The following MYT1L variants were observed in gnomAD, a reference collection of about 807,000 sequenced individuals.
The protein encoded by MYT1L is myelin transcription factor 1 like, also known as myelin transcription factor 1-like protein.
A neutral mutation model predicts 126.7 loss-of-function variants in MYT1L; 12 were observed. That is an observed-to-expected ratio of 0.09 (90% CI 0.06 to 0.15). MYT1L has a LOEUF of 0.15. Ranked by LOEUF, MYT1L falls within the 10% of genes least tolerant of loss-of-function variation. MYT1L has a pLI of 1.00. For synonymous variants in MYT1L, 541 were observed against 604.2 expected (o/e 0.90, Z 1.53); for missense variants, 979 against 1,585.2 (o/e 0.62, Z 6.49).
At chr2:2,205,599 G>A (rs1021599338) in intron 2 of MYT1L, among the ~76,000 whole-genome samples, 1 of 152,030 alleles carries the variant, frequency 6.6e-6, no homozygotes, top group Non-Finnish European at 1.5e-5. Flanking sequence ...TTTCTAAATT[G>A]TCTCTCCCTC....
chr2:1,857,152 C>T (rs531801675), intron 18 of MYT1L, among the ~76,000 whole-genome samples: 12 of 152,290 alleles, frequency 7.9e-5, no homozygotes, highest in South Asian at 2.1e-4. Context: ...GTCCTCCCAG[C>T]GTGACTCAGC....
chr2:1,831,790 C>T (rs986006963), intron 21 of MYT1L, among the ~76,000 whole-genome samples: 9 of 152,258 alleles, frequency 5.9e-5, no homozygotes, highest in Middle Eastern at 3.4e-3. Context: ...ACGGCCTCTC[C>T]GCCTCCACCT....
chr2:1,799,549 C>A (rs1323510357), intron 23 of MYT1L, among the ~76,000 whole-genome samples: 1 of 152,208 alleles, frequency 6.6e-6, no homozygotes, highest in Non-Finnish European at 1.5e-5. Context: ...GGGAAGAACC[C>A]CCTTCCTGAA....
chr2:2,095,470 G>A (rs1355879250), intron 3 of MYT1L, among the ~76,000 whole-genome samples: 2 of 152,140 alleles, frequency 1.3e-5, no homozygotes, highest in Non-Finnish European at 1.5e-5. Context: ...TATGCTATCC[G>A]ACAAGACCCT....
intron 21 of MYT1L, among the ~76,000 whole-genome samples, chr2:1,834,537 A>C (rs1156249452): frequency 6.6e-6 from 1 of 152,240 alleles, no homozygotes; most frequent in Non-Finnish European, 1.5e-5. Flanking sequence ...TACGTGCTAC[A>C]ACCTTGAGGA....
intron 18 of MYT1L, among the ~76,000 whole-genome samples, chr2:1,866,347 G>A (rs111804163): frequency 0.056 from 8,559 of 152,080 alleles, 302 homozygotes; most frequent in Non-Finnish European, 0.072. Context: ...AGCTTCCATA[G>A]GTGTGGATCA....
intron 3 of MYT1L, among the ~76,000 whole-genome samples, chr2:2,113,167 A>G (rs2147774968): frequency 6.6e-6 from 1 of 152,332 alleles, no homozygotes; most frequent in East Asian, 1.9e-4. Flanking sequence ...TAAAAGTGAA[A>G]CAGATGGATG....
At chr2:1,866,013 C>G (rs890323016) in intron 18 of MYT1L, among the ~76,000 whole-genome samples, 1 of 152,116 alleles carries the variant, frequency 6.6e-6, no homozygotes, top group Non-Finnish European at 1.5e-5. Flanking sequence ...GTTTAGCCTC[C>G]GAGCTACAGT....
At chr2:2,217,410 C>T (rs903756587) in intron 2 of MYT1L, among the ~76,000 whole-genome samples, 4 of 151,976 alleles carry the variant, frequency 2.6e-5, no homozygotes, top group Admixed American at 1.3e-4. Flanking sequence ...CAGCCAGGCA[C>T]GGTGGCTCAT....
intron 1 of MYT1L, 81 bp from the exon 2 acceptor site, chr2:2,284,584 C>G (rs2095491006): frequency 6.6e-6 from 1 of 152,184 alleles, no homozygotes; most frequent in South Asian, 2.1e-4. Flanking sequence ...GATAGTTTCC[C>G]TGCATCTTGA....
rs142692630 is a variant in MYT1L at position 2,188,710 on chromosome 2, G to A, written c.-420-15722C>T. ...TCCTGGGGATCTGTCTCGGGCAGAT[G>A]CTCATGTTTTCCAAGCTTATTGCTT... On this transcript the variant is annotated intron_variant, in intron 2 of 24. Transcript: ENST00000647738. 3.9e-3 allele frequency among the ~76,000 whole-genome samples: 599 copies of A among 152,222 alleles called. 3 individuals are homozygous for A. The highest frequency in any genetic ancestry group is 0.014 in the African/African-American group (563 of 41,522).
At chr2:1,961,162 T>C (rs553134465) in intron 8 of MYT1L, among the ~76,000 whole-genome samples, 17 of 152,308 alleles carry the variant, frequency 1.1e-4, no homozygotes, top group Admixed American at 9.1e-4. Context: ...CTACCAAATA[T>C]TGTAATTTCT....
At position 1,801,768 on chromosome 2, in the gene MYT1L, T is replaced by C. The variant is rs1572364336; in HGVS notation, c.3204A>G (p.Leu1068=). 1 of 1,610,220 alleles carries C rather than the reference T, an allele frequency of 6.2e-7. No homozygotes were observed. Among genetic ancestry groups the C allele is most frequent in the Non-Finnish European group, 8.5e-7 (1 of 1,177,144 alleles). ...GIENDEEIKQ[L]DEEIKELNES... ...CATTTAGCTCCTTGATTTCTTCATC[T>C]AACTGTTTGATTTCTTCATCATTTT... Residue 1068 remains leucine (L), a synonymous_variant, in exon 23 of 25, where the codon TTA becomes TTG. Transcript: ENST00000647738. The surrounding 1 kb of genome is among the most constrained non-coding windows in gnomAD (Gnocchi z 4.2).
chr2:1,892,875 G>A (rs2049094483), intron 14 of MYT1L, among the ~76,000 whole-genome samples: 1 of 152,238 alleles, frequency 6.6e-6, no homozygotes, highest in Non-Finnish European at 1.5e-5. Flanking sequence ...TTCTGGCTGG[G>A]CATGCAGACC....
At chr2:2,184,635 G>A (rs1005449816) in intron 2 of MYT1L, among the ~76,000 whole-genome samples, 3 of 152,208 alleles carry the variant, frequency 2.0e-5, no homozygotes, top group African/African-American at 4.8e-5. Flanking sequence ...ACACTCATCT[G>A]AGCAAGACCT....
At chr2:2,077,161 A>AG (rs907311600) in intron 3 of MYT1L, among the ~76,000 whole-genome samples, 2 of 152,202 alleles carry the variant, frequency 1.3e-5, no homozygotes, top group Admixed American at 6.5e-5. Context: ...TCAGAGACAG[A>AG]GAAAAAAAAG....
chr2:2,175,131 T>C (rs911468276), intron 2 of MYT1L, among the ~76,000 whole-genome samples: 11 of 152,014 alleles, frequency 7.2e-5, no homozygotes, highest in Non-Finnish European at 1.5e-4. Flanking sequence ...ATGTCCTCTC[T>C]GAGAAGGGCC....
intron 3 of MYT1L, among the ~76,000 whole-genome samples, chr2:2,128,392 T>C (rs2081976685): frequency 6.6e-6 from 1 of 152,178 alleles, no homozygotes; most frequent in Non-Finnish European, 1.5e-5. Flanking sequence ...CCTCAAGTGA[T>C]CCACCTGGCT....
At position 1,912,892 on chromosome 2, in the gene MYT1L, T is replaced by C. The variant is rs1373615140; in HGVS notation, c.1619-782A>G. Among the ~76,000 whole-genome samples, 1 of 152,136 alleles carries C rather than the reference T, an allele frequency of 6.6e-6. No individual in the cohort carries two copies. The highest frequency in any genetic ancestry group is 2.4e-5 in the African/African-American group (1 of 41,432). On this transcript the variant is annotated intron_variant, in intron 11 of 24. Coordinates refer to ENST00000647738, the MANE Select transcript of MYT1L (RefSeq NM_001303052.2). The surrounding 1 kb of genome is among the most constrained non-coding windows in gnomAD (Gnocchi z 4.3). ...GTCTTCCTTCTTTTCTGGTCCTTCA[T>C]GAACGCTCTACTACTCTGGGTTCTG...
Sources: allele counts gnomAD v4.1 joint callset (sites outside exome capture counted in the v4.1 genomes callset), GRCh38; gene constraint gnomAD v4.1.1; non-coding constraint Gnocchi (gnomAD v3.1); transcripts MANE v1.5; gene names NCBI Gene and HGNC (gene_info 2026-07-23, HGNC 2026-07-21).